C2orf81: variants seen among roughly 807,000 people sequenced by gnomAD.
C2orf81 encodes the protein chromosome 2 open reading frame 81.
C2orf81 carries 5 observed loss-of-function variants against 7.9 expected under a neutral mutation model. The observed-to-expected ratio is 0.63, with a 90% CI of 0.33 to 1.33. The LOEUF (loss-of-function observed/expected upper bound fraction) is 1.33. C2orf81 is among the 40% of genes most tolerant of loss of function. The pLI, the probability that C2orf81 is intolerant of heterozygous loss-of-function variation, is 0.05. For synonymous variants in C2orf81, 346 were observed against 367.4 expected (o/e 0.94, Z 0.66); for missense variants, 781 against 830.4 (o/e 0.94, Z 0.73).
intron 1 of C2orf81, among the ~76,000 whole-genome samples, chr2:74,420,064 TAGAA>T (rs1676560110): frequency 1.3e-5 from 2 of 152,216 alleles, no homozygotes. Context: ...AGGTAATCTT[TAGAA>T]AGAATTTGCA....
chr2:74,418,335 A>T (rs1676521592), intron 1 of C2orf81: 5 of 1,603,598 alleles, frequency 3.1e-6, no homozygotes, highest in Middle Eastern at 4.2e-4. Context: ...CTGTCCTGGG[A>T]CTCACCGGAG....
Position 74,415,789 on chromosome 2 carries a change from T to A in C2orf81, c.388A>T (p.Thr130Ser), listed in dbSNP as rs1676448117. 1 of 1,551,508 alleles carries A rather than the reference T, an allele frequency of 6.4e-7. No homozygotes were observed. ...WGEDEEPSACTTDSWAQGSVP... is the reference protein window; with the variant it reads ...WGEDEEPSACSTDSWAQGSVP... Reference sequence around the variant, plus strand: ...GAACCCTGAGCCCAGGAGTCCGTCGTGCATGCCGAAGGCTCCTCGTCCTCA... The same window carrying A: ...GAACCCTGAGCCCAGGAGTCCGTCGAGCATGCCGAAGGCTCCTCGTCCTCA... The change falls in exon 3 of 3, where the codon ACG becomes TCG. Residue 130 changes from threonine to serine, a missense_variant. Transcript: ENST00000684111. The surrounding 1 kb of genome is among the most constrained non-coding windows in gnomAD (Gnocchi z 5.5).
At chr2:74,419,083 A>G (rs540864119) in intron 1 of C2orf81, among the ~76,000 whole-genome samples, 4 of 152,232 alleles carry the variant, frequency 2.6e-5, no homozygotes, top group Admixed American at 2.0e-4. Context: ...AGGGAGGCTG[A>G]GGCACGAGAA....
chr2:74,416,086 G>A lies in C2orf81; in HGVS notation c.174C>T (p.Asp58=). 1 of 1,546,304 alleles carries A rather than the reference G, an allele frequency of 6.5e-7. No homozygotes were observed. Among genetic ancestry groups the A allele is most frequent in the Non-Finnish European group, 8.7e-7 (1 of 1,144,350 alleles). Residue 58 remains aspartate, a synonymous_variant, in exon 2 of 3, where the codon GAC becomes GAT. Transcript: ENST00000684111. ...MALTALEEGE[D]VVGDILADLL... ...AGTCGGCCAAGATGTCCCCTACGAC[G>A]TCCTCGCCCTCCTCGAGGGCTGTAA... is the stretch of plus-strand genomic sequence containing the variant.
chr2:74,415,332 G>T lies in C2orf81; in HGVS notation c.845C>A (p.Ala282Asp). 2.6e-6 allele frequency: 4 copies of T among 1,541,258 alleles called. No homozygotes were observed. Among genetic ancestry groups the T allele is most frequent in the Non-Finnish European group, 3.5e-6 (4 of 1,140,954 alleles). The change falls in exon 3 of 3, where the codon GCC (alanine) becomes GAC (aspartate). Residue 282 changes from alanine to aspartate, a missense_variant. By Grantham distance (126) the Ala-to-Asp change is moderately radical (BLOSUM62 -2). Transcript: ENST00000684111. The surrounding 1 kb of genome is among the most constrained non-coding windows in gnomAD (Gnocchi z 5.5). ...CCTCCCAGTTGAGGCCTGGGGGCTG[G>T]CTACCAGGTACGGATCCAGAGAAGG... ...ADPSLDPYLV[A>D]SPQASTGRGH... is the part of the protein sequence containing the mutation.
chr2:74,415,704 T>C lies in C2orf81; in HGVS notation c.473A>G (p.His158Arg). ...EGLENFQGEV[H>R]SSGASPDSSA... ...GGAGTCCGGAGAGGCTCCTGAGGAGTGTACTTCGCCTTGGAAGTTCTCCAG... is the reference window on the plus strand; with the variant it reads ...GGAGTCCGGAGAGGCTCCTGAGGAGCGTACTTCGCCTTGGAAGTTCTCCAG... The change falls in exon 3 of 3, where the codon CAC (histidine) becomes CGC (arginine). Residue 158 changes from histidine to arginine, a missense_variant. Coordinates refer to ENST00000684111, the MANE Select transcript of C2orf81 (RefSeq NM_001316764.3). This position sits in a 1 kb window ranked among gnomAD's most constrained non-coding sequence, Gnocchi z 5.5. 1 of 1,551,180 alleles carries C rather than the reference T, an allele frequency of 6.4e-7. No individual in the cohort carries two copies. The highest frequency in any genetic ancestry group is 8.7e-7 in the Non-Finnish European group (1 of 1,146,894).
At chr2:74,418,301 G>A in intron 1 of C2orf81, 2 of 1,608,136 alleles carry the variant, frequency 1.2e-6, no homozygotes, top group Non-Finnish European at 1.7e-6. Context: ...ACTTCGCTGA[G>A]CTCCTTCTGA....
chr2:74,418,613 C>T (rs938293735), intron 1 of C2orf81: 7 of 606,546 alleles, frequency 1.2e-5, no homozygotes, highest in African/African-American at 9.2e-5. Context: ...CTTCCTGGAG[C>T]CGCGCCAGCG....
chr2:74,418,062 G>GT (rs1158868678), intron 1 of C2orf81: 6 of 545,812 alleles, frequency 1.1e-5, no homozygotes, highest in Non-Finnish European at 2.0e-5. Context: ...TAGGGAAGGG[G>GT]TGGGGGGTGG....
At position 74,414,569 on chromosome 2, in the gene C2orf81, G is replaced by A; in HGVS notation, c.1608C>T (p.Gly536=). 1 of 1,542,398 alleles carries A rather than the reference G, an allele frequency of 6.5e-7. No homozygotes were observed. Among genetic ancestry groups the A allele is most frequent in the Admixed American group, 2.0e-5 (1 of 50,648 alleles). The change falls in exon 3 of 3, where the codon GGC becomes GGT. Residue 536 remains glycine (G), a synonymous_variant. Transcript: ENST00000684111. This position sits in a 1 kb window ranked among gnomAD's most constrained non-coding sequence, Gnocchi z 5.3. ...PQGLELADRE[G]QDPGRWPRTT... is the part of the protein sequence containing the mutation. ...TTCGAGGCCATCTGCCAGGATCCTG[G>A]CCCTCCCTGTCTGCCAGCTCCAGAC...
intron 1 of C2orf81, chr2:74,418,680 G>A: frequency 3.8e-6 from 2 of 524,798 alleles, no homozygotes; most frequent in Non-Finnish European, 6.8e-6. Context: ...CGGCTCAGGG[G>A]AGCTTAAAAA....
At chr2:74,416,358 G>A (rs1676468336) in intron 1 of C2orf81, 117 bp from the exon 2 acceptor site, 5 of 571,478 alleles carry the variant, frequency 8.7e-6, no homozygotes, top group Non-Finnish European at 1.3e-5. Flanking sequence ...AGGGCCAATT[G>A]ACGAAGAGCC....
chr2:74,421,419 C>G (rs1676610326), intron 1 of C2orf81, 124 bp downstream of exon 1: 1 of 248,832 alleles, frequency 4.0e-6, no homozygotes, highest in African/African-American at 2.2e-5. Flanking sequence ...GTCATCTAAA[C>G]TCCCGCGCGG....
chr2:74,415,737 G>A lies in C2orf81; in HGVS notation c.440C>T (p.Ser147Leu), dbSNP rs1676446059. Residue 147 changes from serine (S) to leucine (L), a missense_variant, in exon 3 of 3, where the codon TCG becomes TTG. Coordinates refer to ENST00000684111, the MANE Select transcript of C2orf81 (RefSeq NM_001316764.3). This position sits in a 1 kb window ranked among gnomAD's most constrained non-coding sequence, Gnocchi z 5.5. ...GSVPVLHAST[S>L]EGLENFQGEV... is the part of the protein sequence containing the mutation. ...GCCTTGGAAGTTCTCCAGGCCCTCC[G>A]AGGTGGACGCGTGCAGCACGGGCAC... 2.6e-6 allele frequency: 4 copies of A among 1,551,574 alleles called. No individual in the cohort carries two copies. Among genetic ancestry groups the A allele is most frequent in the African/African-American group, 1.4e-5 (1 of 73,184 alleles).
rs1676447173 is a variant in C2orf81, at chr2:74,415,761, A to T, written c.416T>A (p.Val139Glu). Reference protein sequence around the residue: ...CTTDSWAQGSVPVLHASTSEG... With the variant: ...CTTDSWAQGSEPVLHASTSEG... ...CGAGGTGGACGCGTGCAGCACGGGC[A>T]CTGAACCCTGAGCCCAGGAGTCCGT... Residue 139 changes from valine to glutamate, a missense_variant, in exon 3 of 3, where the codon GTG becomes GAG. Physicochemically the swap from Val to Glu is moderately radical, Grantham distance 121 (BLOSUM62 -2). Coordinates refer to ENST00000684111, the MANE Select transcript of C2orf81 (RefSeq NM_001316764.3). This position sits in a 1 kb window ranked among gnomAD's most constrained non-coding sequence, Gnocchi z 5.5. 1 of 1,551,484 alleles carries T rather than the reference A, an allele frequency of 6.4e-7. No homozygotes were observed. Among genetic ancestry groups the T allele is most frequent in the Non-Finnish European group, 8.7e-7 (1 of 1,147,002 alleles).
At chr2:74,418,040 T>C in intron 1 of C2orf81, 1 of 410,984 alleles carries the variant, frequency 2.4e-6, no homozygotes, top group Non-Finnish European at 4.4e-6. Context: ...GAGGCGGTGG[T>C]GATGGTGGGT....
Position 74,414,498 on chromosome 2 carries a change from G to A in C2orf81, c.1679C>T (p.Pro560Leu), listed in dbSNP as rs542309265. The change falls in exon 3 of 3, where the codon CCC (proline) becomes CTC (leucine). Residue 560 changes from proline (P) to leucine (L), a missense_variant. Transcript: ENST00000684111. This position sits in a 1 kb window ranked among gnomAD's most constrained non-coding sequence, Gnocchi z 5.3. ...LEATSQVMWK[P>L]VLLPEALKLA... is the part of the protein sequence containing the mutation. ...CTTCAGGGCTTCTGGCAGCAACACGGGCTTCCACATCACCTGGGAAGTGGC... is the reference window on the plus strand; with the variant it reads ...CTTCAGGGCTTCTGGCAGCAACACGAGCTTCCACATCACCTGGGAAGTGGC... 7 of 1,549,648 alleles carry A rather than the reference G, an allele frequency of 4.5e-6. No individual in the cohort carries two copies. In the South Asian group the frequency reaches 7.2e-5, roughly 16 times the overall value.
chr2:74,421,266 T>C (rs542234025), intron 1 of C2orf81, among the ~76,000 whole-genome samples: 86 of 152,348 alleles, frequency 5.6e-4, no homozygotes, highest in Non-Finnish European at 1.0e-3. Context: ...CTACATTCAT[T>C]AGCTGTTTCA....
At position 74,415,053 on chromosome 2, in the gene C2orf81, C is replaced by A. The variant is rs1295792940; in HGVS notation, c.1124G>T (p.Arg375Leu). 8.4e-6 allele frequency: 13 copies of A among 1,548,274 alleles called. No individual in the cohort carries two copies. In the Admixed American group the frequency reaches 1.2e-4, roughly 14 times the overall value. The part of the protein sequence containing the change: ...HRMRRKAAVK[R>L]LDPARLPCHW... ...GCACGGGAGCCTCGCAGGGTCCAGG[C>A]GTTTCACGGCCGCCTTGCGGCGCAT... Residue 375 changes from arginine to leucine, a missense_variant, in exon 3 of 3, where the codon CGC becomes CTC. Transcript: ENST00000684111. The surrounding 1 kb of genome is among the most constrained non-coding windows in gnomAD (Gnocchi z 5.5).
Sources: allele counts gnomAD v4.1 joint callset (sites outside exome capture counted in the v4.1 genomes callset), GRCh38; gene constraint gnomAD v4.1.1; non-coding constraint Gnocchi (gnomAD v3.1); transcripts MANE v1.5; gene names NCBI Gene and HGNC (gene_info 2026-07-23, HGNC 2026-07-21).